ANKRD12: variants seen among roughly 807,000 people sequenced by gnomAD.
The protein encoded by ANKRD12 is ankyrin repeat domain 12.
Under a neutral mutation model 183.4 loss-of-function variants are expected in ANKRD12, and 85 were observed. The ratio of observed to expected loss-of-function variants is 0.46; its 90% CI spans 0.39 to 0.56. ANKRD12 has a LOEUF of 0.56. ANKRD12 is among the 20% of genes least tolerant of loss of function. The pLI is 0.00. For synonymous variants in ANKRD12, 914 were observed against 800.2 expected (o/e 1.14, Z -2.40); for missense variants, 2,405 against 2,357.1 (o/e 1.02, Z -0.42).
chr18:9,202,533 T>C (rs1238655929), intron 3 of ANKRD12, among the ~76,000 whole-genome samples: 3 of 152,236 alleles, frequency 2.0e-5, no homozygotes, highest in Non-Finnish European at 4.4e-5. Context: ...TACAGGCTTT[T>C]AAAATTATTT....
intron 3 of ANKRD12, among the ~76,000 whole-genome samples, chr18:9,199,831 G>T (rs570315788): frequency 2.6e-5 from 4 of 152,120 alleles, no homozygotes; most frequent in Admixed American, 2.6e-4. Flanking sequence ...GTCTCTGCTA[G>T]TTCCTTTGTT....
chr18:9,263,754 C>T (rs778636465), intron 9 of ANKRD12, 36 bp from the exon 10 acceptor site: 3 of 1,402,696 alleles, frequency 2.1e-6, no homozygotes, highest in Non-Finnish European at 2.9e-6. Flanking sequence ...GTAAATAAAA[C>T]CTAATATTTT....
chr18:9,282,420 T>C lies in ANKRD12; in HGVS notation c.*1294T>C, dbSNP rs948699096. 3.3e-5 allele frequency: 5 copies of C among 152,564 alleles called. No homozygotes were observed. The highest frequency in any genetic ancestry group is 5.9e-5 in the Non-Finnish European group (4 of 67,984). 9.5% of individuals were successfully genotyped at this position (152,564 alleles called of 1,614,324 possible). A position where few individuals can be genotyped will look rare whatever the true frequency, so the allele number is the denominator to read the frequency against. ...AAACATAATTTGCAAAATTTTATAA[T>C]TGAAATAAAACTTGGTATGCTGTTT... On this transcript the variant is annotated 3_prime_UTR_variant, in exon 13 of 13. Transcript: ENST00000262126.
At chr18:9,269,766 A>C (rs892129784) in intron 10 of ANKRD12, among the ~76,000 whole-genome samples, 1 of 152,370 alleles carries the variant, frequency 6.6e-6, no homozygotes, top group African/African-American at 2.4e-5. Context: ...CAAAATTGAC[A>C]GATGGGATCT....
chr18:9,171,528 C>G (rs1246982721), intron 1 of ANKRD12, among the ~76,000 whole-genome samples: 1 of 152,122 alleles, frequency 6.6e-6, no homozygotes, highest in Admixed American at 6.5e-5. Context: ...TGTCACTCGT[C>G]TGTGTACTTC....
chr18:9,178,361 A>G (rs190309774), intron 1 of ANKRD12, among the ~76,000 whole-genome samples: 46 of 150,742 alleles, frequency 3.1e-4, no homozygotes, highest in African/African-American at 1.0e-3. Flanking sequence ...GCATTTGGAT[A>G]TACAGTTTTT....
chr18:9,245,609 A>G (rs1030449856), intron 8 of ANKRD12, among the ~76,000 whole-genome samples: 2 of 152,244 alleles, frequency 1.3e-5, no homozygotes, highest in Non-Finnish European at 2.9e-5. Flanking sequence ...CAGGTAAAGA[A>G]TAGACAAACA....
chr18:9,195,835 G>T, intron 3 of ANKRD12, 137 bp downstream of exon 3: 1 of 840,730 alleles, frequency 1.2e-6, no homozygotes. Context: ...TTATCATTTT[G>T]GGGTAGGAAT....
intron 8 of ANKRD12, among the ~76,000 whole-genome samples, chr18:9,240,720 C>G (rs75335489): frequency 0.014 from 2,173 of 152,258 alleles, 54 homozygotes; most frequent in African/African-American, 0.05. Flanking sequence ...CATACTTCAA[C>G]TTAATCAAGA....
chr18:9,220,799 C>T (rs1168666604), intron 7 of ANKRD12, among the ~76,000 whole-genome samples: 1 of 151,992 alleles, frequency 6.6e-6, no homozygotes, highest in Non-Finnish European at 1.5e-5. Context: ...GATAAGTTCT[C>T]CAAAGAGATG....
In ANKRD12 at chr18:9,209,934, A is replaced by G. The variant is rs565144321; in HGVS notation, c.451+1131A>G. Among the ~76,000 whole-genome samples, 11 of 152,226 alleles carry G rather than the reference A, an allele frequency of 7.2e-5. No homozygotes were observed. In the East Asian group the frequency reaches 2.1e-3, roughly 29 times the overall value. ...CCCTCAAGAGGTGACCACTGTTAACAGTTTCTTATCTTTATTTATGTAGCT... is the reference window on the plus strand; with the variant it reads ...CCCTCAAGAGGTGACCACTGTTAACGGTTTCTTATCTTTATTTATGTAGCT... On this transcript the variant is annotated intron_variant, in intron 5 of 12. Coordinates refer to ENST00000262126, the MANE Select transcript of ANKRD12 (RefSeq NM_015208.5).
At chr18:9,184,468 C>CT (rs2033912838) in intron 2 of ANKRD12, among the ~76,000 whole-genome samples, 1 of 152,066 alleles carries the variant, frequency 6.6e-6, no homozygotes, top group South Asian at 2.1e-4. Flanking sequence ...TCTCAGCTCA[C>CT]TGCAGCCTTG....
chr18:9,153,260 A>AGC (rs2078742052), intron 1 of ANKRD12, among the ~76,000 whole-genome samples: 1 of 152,260 alleles, frequency 6.6e-6, no homozygotes, highest in South Asian at 2.1e-4. Flanking sequence ...TATAGCTGAT[A>AGC]GCTTAGTATC....
At chr18:9,137,951 C>T (rs2078177843) in intron 1 of ANKRD12, 1 of 152,172 alleles carries the variant, frequency 6.6e-6, no homozygotes, top group Non-Finnish European at 1.5e-5. Context: ...CTGTTGCACT[C>T]GTTGAAACCT....
intron 12 of ANKRD12, 106 bp from the exon 13 acceptor site, chr18:9,280,835 C>T (rs775948797): frequency 1.2e-5 from 12 of 984,036 alleles, no homozygotes; most frequent in Non-Finnish European, 1.7e-5. Context: ...GCTTTTTATG[C>T]TCCTGATGTG....
At chr18:9,266,329 TTGAAA>T (rs1261663725) in intron 10 of ANKRD12, among the ~76,000 whole-genome samples, 2 of 152,000 alleles carry the variant, frequency 1.3e-5, no homozygotes, top group Non-Finnish European at 2.9e-5. Flanking sequence ...TTCACCAAAG[TTGAAA>T]TGAAGGAAAA....
chr18:9,146,267 T>C (rs535751084), intron 1 of ANKRD12, among the ~76,000 whole-genome samples: 89 of 152,324 alleles, frequency 5.8e-4, no homozygotes, highest in African/African-American at 2.0e-3. Flanking sequence ...TGTTCTATTT[T>C]AAAAATAAAA....
intron 3 of ANKRD12, among the ~76,000 whole-genome samples, chr18:9,203,604 T>C (rs1901994506): frequency 1.3e-5 from 2 of 150,196 alleles, no homozygotes; most frequent in Non-Finnish European, 1.5e-5. Context: ...TGTATATATA[T>C]TATTATTATT....
intron 11 of ANKRD12, among the ~76,000 whole-genome samples, chr18:9,278,434 G>C (rs1277058182): frequency 1.3e-5 from 2 of 152,198 alleles, no homozygotes; most frequent in Non-Finnish European, 2.9e-5. Flanking sequence ...ATACTTAAGA[G>C]TCAACAATAA....
Sources: allele counts gnomAD v4.1 joint callset (sites outside exome capture counted in the v4.1 genomes callset), GRCh38; gene constraint gnomAD v4.1.1; transcripts MANE v1.5; gene names NCBI Gene and HGNC (gene_info 2026-07-23, HGNC 2026-07-21).